Variants in PPAT observed in about 807,000 individuals in gnomAD.
PPAT encodes the protein amidophosphoribosyltransferase.
A neutral mutation model predicts 60.2 loss-of-function variants in PPAT; 20 were observed. The ratio of observed to expected loss-of-function variants is 0.33; its 90% confidence interval spans 0.23 to 0.48. The LOEUF is 0.48. PPAT is among the 20% of genes least tolerant of loss of function. The pLI, the probability that PPAT is intolerant of heterozygous loss-of-function variation, is 0.99. For missense variants in PPAT, 349 were observed against 629.6 expected (o/e 0.55, Z 4.77); for synonymous variants, 194 against 215.1 (o/e 0.90, Z 0.86).
At chr4:56,407,619 G>A (rs1716277995) in intron 2 of PPAT, 31 bp downstream of exon 2, 1 of 1,547,202 alleles carries the variant, frequency 6.5e-7, no homozygotes, top group African/African-American at 1.4e-5. Context: ...CACTTGGTCT[G>A]TCATCAACAT....
chr4:56,433,149 G>A (rs1259402834), intron 1 of PPAT, among the ~76,000 whole-genome samples: 1 of 151,872 alleles, frequency 6.6e-6, no homozygotes, highest in East Asian at 1.9e-4. Context: ...CCCAAAGGAT[G>A]AGCACTTTAG....
At chr4:56,397,332 T>C (rs566847678) in intron 9 of PPAT, among the ~76,000 whole-genome samples, 7 of 152,216 alleles carry the variant, frequency 4.6e-5, no homozygotes, top group Non-Finnish European at 7.3e-5. Flanking sequence ...TTGCAATAAA[T>C]GATGAAATTA....
intron 9 of PPAT, among the ~76,000 whole-genome samples, chr4:56,397,355 G>A (rs1161221063): frequency 1.3e-5 from 2 of 151,920 alleles, no homozygotes; most frequent in African/African-American, 2.4e-5. Flanking sequence ...TTAAACTCTT[G>A]TATCTATTAC....
At chr4:56,431,409 C>T (rs1717579529) in intron 1 of PPAT, 1 of 978,258 alleles carries the variant, frequency 1.0e-6, no homozygotes, top group Admixed American at 6.2e-5. Flanking sequence ...ATGTTCTGTA[C>T]TCTGTTTGCA....
intron 1 of PPAT, among the ~76,000 whole-genome samples, chr4:56,434,120 G>A (rs1201023475): frequency 6.6e-6 from 1 of 151,958 alleles, no homozygotes; most frequent in African/African-American, 2.4e-5. Context: ...AATCTATTAT[G>A]GTCAACCCAC....
intron 1 of PPAT, among the ~76,000 whole-genome samples, chr4:56,426,437 T>C (rs1210130483): frequency 6.6e-6 from 1 of 151,526 alleles, no homozygotes; most frequent in African/African-American, 2.4e-5. Flanking sequence ...TATCCATCAG[T>C]AGTTTAACTG....
At chr4:56,398,437 T>C (rs1716036621) in intron 9 of PPAT, among the ~76,000 whole-genome samples, 1 of 152,106 alleles carries the variant, frequency 6.6e-6, no homozygotes, top group Non-Finnish European at 1.5e-5. Flanking sequence ...TGTCTTCAAG[T>C]AGAGAAAGCA....
Position 56,395,043 on chromosome 4 carries a change from C to T in PPAT, c.*309G>A. 3.7e-6 allele frequency: 1 copy of T among 270,812 alleles called. No homozygotes were observed. The highest frequency in any genetic ancestry group is 6.9e-6 in the Non-Finnish European group (1 of 145,960). The allele number at this position is 270,812 out of a possible 1,614,324, so 16.8% of individuals were successfully genotyped here. ...ACCTCTCCTTAACCCTAACTTCTTG[C>T]AAACCCTTTAAAGCATGGACTTGGG... is the stretch of plus-strand genomic sequence containing the variant. On this transcript the variant is annotated 3_prime_UTR_variant, in exon 11 of 11. Transcript: ENST00000264220.
Position 56,407,638 on chromosome 4 carries a change from G to T in PPAT, c.195+12C>A, listed in dbSNP as rs1311276467. 1.0e-5 allele frequency: 16 copies of T among 1,587,494 alleles called. No homozygotes were observed. The highest frequency in any genetic ancestry group is 1.3e-5 in the Non-Finnish European group (15 of 1,155,560). On this transcript the variant is annotated intron_variant, in intron 2 of 10. Transcript: ENST00000264220. Reference sequence around the variant, plus strand: ...TGGTCTGTCATCAACATTTCTTAAAGTTCAAATTTACCTTGTGTGATTTGA... The same window carrying T: ...TGGTCTGTCATCAACATTTCTTAAATTTCAAATTTACCTTGTGTGATTTGA...
rs34117895 is a variant in PPAT, at chr4:56,416,069, CA to C, written c.129-8354del. Among the ~76,000 whole-genome samples the C allele has an allele frequency of 5.9e-3, 821 of 139,420 alleles. 6 individuals carry two copies. The highest frequency in any genetic ancestry group is 0.018 in the African/African-American group (678 of 37,058). The allele number at this position is 139,420 out of a possible 152,430, so 91.5% of individuals were successfully genotyped here. On this transcript the variant is annotated intron_variant, in intron 1 of 10. Transcript: ENST00000264220. ...TGGGCGACAGAGTAAGACTCTGTCT[CA>C]AAAAAAAAAAAAAAGTAATTTAACT...
intron 3 of PPAT, chr4:56,404,069 A>AGTAT (rs1446480013): frequency 2.2e-6 from 1 of 448,924 alleles, no homozygotes; most frequent in Admixed American, 2.4e-5. Flanking sequence ...CTGCGCTAAT[A>AGTAT]GTATGTATAT....
intron 1 of PPAT, chr4:56,421,396 T>C (rs1478613966): frequency 6.6e-6 from 1 of 152,402 alleles, no homozygotes; most frequent in Non-Finnish European, 1.5e-5. Flanking sequence ...TGTAATGCAC[T>C]TGAATCCTCC....
At chr4:56,433,626 C>T (rs1437169732) in intron 1 of PPAT, among the ~76,000 whole-genome samples, 1 of 151,810 alleles carries the variant, frequency 6.6e-6, no homozygotes, top group Admixed American at 6.6e-5. Context: ...ATATTTTCTA[C>T]AGACCACCAG....
At position 56,395,207 on chromosome 4, in the gene PPAT, A is replaced by G. The variant is rs886973032; in HGVS notation, c.*145T>C. ...TATCGCACTTTGGTATCCTTTTCAG[A>G]AAAAAAAAAAATCTCAAAACTTATA... On this transcript the variant is annotated 3_prime_UTR_variant, in exon 11 of 11. Coordinates refer to ENST00000264220, the MANE Select transcript of PPAT (RefSeq NM_002703.5). 25 of 348,690 alleles carry G rather than the reference A, an allele frequency of 7.2e-5. No homozygotes were observed. The Admixed American group carries it at 1.5e-3, about 21-fold the overall frequency. 21.6% of individuals were successfully genotyped at this position (348,690 alleles called of 1,614,324 possible).
intron 1 of PPAT, among the ~76,000 whole-genome samples, chr4:56,417,993 C>G (rs951722054): frequency 2.0e-5 from 3 of 151,966 alleles, no homozygotes; most frequent in African/African-American, 7.3e-5. Flanking sequence ...GTGTGCACCA[C>G]ACACCCAACT....
At chr4:56,423,582 C>G (rs1578133267) in intron 1 of PPAT, 1 of 151,760 alleles carries the variant, frequency 6.6e-6, no homozygotes. Context: ...CTTGTTAGTC[C>G]TCTGGAAAAC....
chr4:56,410,754 G>T (rs1227194001), intron 1 of PPAT: 1 of 987,042 alleles, frequency 1.0e-6, no homozygotes, highest in Admixed American at 6.2e-5. Context: ...CATAACTCTG[G>T]AGACAGCTCT....
intron 3 of PPAT, chr4:56,404,030 C>A: frequency 2.2e-6 from 1 of 451,884 alleles, no homozygotes; most frequent in South Asian, 1.6e-5. Flanking sequence ...CAGACTGGTA[C>A]TAGTCCCTAG....
intron 1 of PPAT, chr4:56,422,552 C>A (rs931245151): frequency 6.7e-6 from 1 of 149,654 alleles, no homozygotes; most frequent in Non-Finnish European, 1.5e-5. Flanking sequence ...TTATAAGACA[C>A]TGCTATGGCC....
Sources: allele counts gnomAD v4.1 joint callset (sites outside exome capture counted in the v4.1 genomes callset), GRCh38; gene constraint gnomAD v4.1.1; transcripts MANE v1.5; gene names NCBI Gene and HGNC (gene_info 2026-07-23, HGNC 2026-07-21).